THSD4: variants seen among roughly 807,000 people sequenced by gnomAD.
THSD4 encodes the protein thrombospondin type 1 domain containing 4.
THSD4 carries 69 observed loss-of-function variants against 119.0 expected under a neutral mutation model. The ratio of observed to expected loss-of-function variants is 0.58; its 90% confidence interval spans 0.48 to 0.71. The LOEUF (loss-of-function observed/expected upper bound fraction) is 0.71, where lower values mean the gene tolerates loss of function less well. Among genes scored for constraint, THSD4 ranks in the 30% least tolerant of loss-of-function variants. The probability of loss-of-function intolerance (pLI) is 0.00; values close to 1 mark genes in which losing one functional copy is unlikely to be tolerated. For missense variants in THSD4, 1,393 were observed against 1,391.1 expected, an observed-to-expected ratio of 1.00 and a Z score of -0.02; for synonymous variants, 524 against 540.4, an observed-to-expected ratio of 0.97 and a Z score of 0.42.
chr15:71,527,987 A>G (rs2048551194), intron 7 of THSD4, among the ~76,000 whole-genome samples: 3 of 152,170 alleles, frequency 2.0e-5, no homozygotes, highest in Admixed American at 1.3e-4. Context: ...AGATGCTGGG[A>G]TTACAGTTGT....
At chr15:71,566,042 G>A (rs2140889921) in intron 7 of THSD4, among the ~76,000 whole-genome samples, 1 of 152,254 alleles carries the variant, frequency 6.6e-6, no homozygotes, top group Middle Eastern at 3.4e-3. Flanking sequence ...CCTGATTTTA[G>A]TTACAGGAAA....
At chr15:71,546,422 T>C (rs2048838898) in intron 7 of THSD4, among the ~76,000 whole-genome samples, 2 of 152,186 alleles carry the variant, frequency 1.3e-5, no homozygotes, top group Non-Finnish European at 2.9e-5. Context: ...TCAAGTGCAT[T>C]GTAGGCTTTA....
chr15:71,732,802 G>A (rs2053007139), intron 10 of THSD4: 1 of 152,164 alleles, frequency 6.6e-6, no homozygotes, highest in African/African-American at 2.4e-5. Context: ...GAGGTTACTT[G>A]GTCCAATCCC....
intron 4 of THSD4, among the ~76,000 whole-genome samples, chr15:71,238,177 G>T (rs2044122273): frequency 6.6e-6 from 1 of 151,994 alleles, no homozygotes; most frequent in Non-Finnish European, 1.5e-5. Context: ...GCTCAATAAA[G>T]GTTTGTTAAA....
chr15:71,506,907 C>T (rs1271875193), intron 7 of THSD4, among the ~76,000 whole-genome samples: 1 of 152,210 alleles, frequency 6.6e-6, no homozygotes, highest in African/African-American at 2.4e-5. Flanking sequence ...ATCAGTGTGC[C>T]ATGCAAGTTA....
At chr15:71,135,492 C>T (rs372206668) in intron 1 of THSD4, among the ~76,000 whole-genome samples, 30 of 151,016 alleles carry the variant, frequency 2.0e-4, no homozygotes, top group African/African-American at 6.8e-4. Context: ...TCTCTTTCAA[C>T]TTCTAGACTC....
intron 11 of THSD4, among the ~76,000 whole-genome samples, chr15:71,743,088 T>G (rs1367232924): frequency 2.0e-5 from 3 of 151,890 alleles, no homozygotes; most frequent in Non-Finnish European, 4.4e-5. Flanking sequence ...AGATCTGGCA[T>G]TTTCCCACCT....
intron 8 of THSD4, among the ~76,000 whole-genome samples, chr15:71,704,089 C>T (rs1319917954): frequency 1.3e-5 from 2 of 152,170 alleles, no homozygotes; most frequent in East Asian, 3.9e-4. Flanking sequence ...ACCTCGTGAT[C>T]CGCCCACCTT....
chr15:71,741,208 C>T (rs1164614113), intron 11 of THSD4, among the ~76,000 whole-genome samples: 1 of 152,002 alleles, frequency 6.6e-6, no homozygotes, highest in Admixed American at 6.6e-5. Flanking sequence ...ATTGAATAAG[C>T]GGCCGGGCAT....
intron 3 of THSD4, among the ~76,000 whole-genome samples, chr15:71,172,464 C>A (rs1397389405): frequency 1.3e-5 from 2 of 151,484 alleles, no homozygotes; most frequent in Non-Finnish European, 2.9e-5. Context: ...TCTTAGCAGA[C>A]TTTTAATATA....
At chr15:71,661,058 C>T (rs1289329056) in intron 8 of THSD4, among the ~76,000 whole-genome samples, 4 of 152,210 alleles carry the variant, frequency 2.6e-5, no homozygotes, top group Admixed American at 6.5e-5. Context: ...TTGCAAAGCG[C>T]GGAGACCAGC....
chr15:71,730,784 C>G (rs1051253547), intron 9 of THSD4: 2 of 280,522 alleles, frequency 7.1e-6, no homozygotes, highest in African/African-American at 4.3e-5. Flanking sequence ...ACGTATTTAT[C>G]TGTGTTGGAT....
At chr15:71,130,298 A>G (rs1596213562) in intron 1 of THSD4, among the ~76,000 whole-genome samples, 1 of 151,912 alleles carries the variant, frequency 6.6e-6, no homozygotes, top group Non-Finnish European at 1.5e-5. Flanking sequence ...CGATCCTCCC[A>G]CCTCAGCCTC....
chr15:71,381,291 T>C (rs1296845652), intron 6 of THSD4, among the ~76,000 whole-genome samples: 1 of 152,246 alleles, frequency 6.6e-6, no homozygotes, highest in Non-Finnish European at 1.5e-5. Flanking sequence ...GCACCATTTA[T>C]TAAATAGATT....
In THSD4 at chr15:71,326,686, AAAAAAAAAAAAAAAATAT is replaced by A. The variant is rs1179682635; in HGVS notation, c.1015+69973_1015+69990del. Among the ~76,000 whole-genome samples the A allele has an allele frequency of 1.1e-3, 19 of 16,602 alleles. 1 individual carries two copies. The highest frequency in any genetic ancestry group is 2.4e-3 in the African/African-American group (18 of 7,580). The allele number at this position is 16,602 out of a possible 152,430, so 10.9% of individuals were successfully genotyped here. A position where few individuals can be genotyped will look rare whatever the true frequency, so the allele number is the denominator to read the frequency against. ...AAGATTCCATCTCAAAAAAAAAAAA[AAAAAAAAAAAAAAAATAT>A]ATATATATATATATATATATATTAG... On this transcript the variant is annotated intron_variant, in intron 6 of 17. Coordinates refer to ENST00000261862, the MANE Select transcript of THSD4 (RefSeq NM_024817.3).
At chr15:71,515,022 G>A (rs1249934710) in intron 7 of THSD4, among the ~76,000 whole-genome samples, 3 of 152,192 alleles carry the variant, frequency 2.0e-5, no homozygotes, top group African/African-American at 7.2e-5. Context: ...CTTTTTTTCA[G>A]TATTTCCTCA....
At chr15:71,489,783 CA>C (rs1420045497) in intron 7 of THSD4, among the ~76,000 whole-genome samples, 1 of 151,890 alleles carries the variant, frequency 6.6e-6, no homozygotes, top group African/African-American at 2.4e-5. Flanking sequence ...CTGACTTATG[CA>C]ATAATTTTCA....
intron 6 of THSD4, among the ~76,000 whole-genome samples, chr15:71,337,739 A>G (rs945420052): frequency 7.9e-5 from 12 of 152,132 alleles, no homozygotes; most frequent in African/African-American, 1.9e-4. Flanking sequence ...GGGCCTTTGC[A>G]TACCCCAGGT....
At chr15:71,331,219 C>T (rs77067591) in intron 6 of THSD4, among the ~76,000 whole-genome samples, 5,826 of 152,186 alleles carry the variant, frequency 0.038, 381 homozygotes, top group African/African-American at 0.13. Context: ...GACAGAGGGG[C>T]GGCTGCCCTT....
Sources: gnomAD v4.1 joint callset for allele counts (sites outside exome capture counted in the v4.1 genomes callset) on GRCh38, gnomAD v4.1.1 for gene constraint, MANE v1.5 for transcripts, NCBI Gene and HGNC (gene_info 2026-07-23, HGNC 2026-07-21) for gene names.